DLGAP1: variants seen among roughly 807,000 people sequenced by gnomAD.
DLGAP1 encodes the protein disks large-associated protein 1.
In DLGAP1, 11 loss-of-function variants were observed where a neutral mutation model predicts 90.8. That is an observed-to-expected ratio of 0.12 (90% CI 0.08 to 0.20). DLGAP1 has a LOEUF of 0.20. Ranked by LOEUF, DLGAP1 falls within the 10% of genes least tolerant of loss-of-function variation. The pLI is 1.00. For synonymous variants in DLGAP1, 558 were observed against 540.7 expected (o/e 1.03, Z -0.44); for missense variants, 1,050 against 1,333.8 (o/e 0.79, Z 3.31).
intron 3 of DLGAP1, among the ~76,000 whole-genome samples, chr18:3,991,172 T>C (rs2073959643): frequency 6.6e-6 from 1 of 151,934 alleles, no homozygotes; most frequent in Non-Finnish European, 1.5e-5. Flanking sequence ...TAAATATTAA[T>C]ATAAAAAAAC....
chr18:3,604,459 CACACACACACACAT>C (rs915141491), intron 7 of DLGAP1: 1 of 5,842 alleles, frequency 1.7e-4, no homozygotes, highest in Non-Finnish European at 3.1e-4. Flanking sequence ...CGCACACGCA[CACACACACACACAT>C]ACACACAAAA....
At position 3,720,888 on chromosome 18, in the gene DLGAP1, C is replaced by CCAAAAAAAAAAAAAAAAAAAAAAAAAA. The variant is rs1441095000; in HGVS notation, c.1591+8246_1591+8247insTTTTTTTTTTTTTTTTTTTTTTTTTTG. Among the ~76,000 whole-genome samples the CCAAAAAAAAAAAAAAAAAAAAAAAAAA allele has an allele frequency of 1.9e-3, 98 of 50,304 alleles. 17 individuals carry two copies. The highest frequency in any genetic ancestry group is 7.3e-3 in the African/African-American group (91 of 12,484). The allele number at this position is 50,304 out of a possible 152,430, so 33.0% of individuals were successfully genotyped here. A position where few individuals can be genotyped will look rare whatever the true frequency, so the allele number is the denominator to read the frequency against. On this transcript the variant is annotated intron_variant, in intron 7 of 12. Coordinates refer to ENST00000315677, the MANE Select transcript of DLGAP1 (RefSeq NM_004746.4). Reference sequence around the variant, plus strand: ...GCAACATACTAAGACCTTGTCTCTACAAAAAAAAAAAAAAAAAAAAATTAG... The same window carrying CCAAAAAAAAAAAAAAAAAAAAAAAAAA: ...GCAACATACTAAGACCTTGTCTCTACCAAAAAAAAAAAAAAAAAAAAAAAAAAAAAAAAAAAAAAAAAAAAAAATTAG...
chr18:4,236,010 G>T (rs181217714), intron 1 of DLGAP1, among the ~76,000 whole-genome samples: 1 of 152,092 alleles, frequency 6.6e-6, no homozygotes, highest in Non-Finnish European at 1.5e-5. Flanking sequence ...ACAGGCATGA[G>T]CCACCATGCC....
rs1198265843 is a variant in DLGAP1 at position 3,496,439 on chromosome 18, A to G, written c.*2746T>C. 6.6e-6 allele frequency: 1 copy of G among 152,248 alleles called. No individual in the cohort carries two copies. The highest frequency in any genetic ancestry group is 1.9e-4 in the East Asian group (1 of 5,208). The allele number at this position is 152,248 out of a possible 1,614,324, so 9.4% of individuals were successfully genotyped here. A position where few individuals can be genotyped will look rare whatever the true frequency, so the allele number is the denominator to read the frequency against. ...ATTAGTTCTATTTACCATTTCAAAT[A>G]TTAAAAATCTTTAATCCATTTCTTC... On this transcript the variant is annotated 3_prime_UTR_variant, in exon 13 of 13. Transcript: ENST00000315677.
chr18:4,316,866 A>G (rs610269), intron 1 of DLGAP1, among the ~76,000 whole-genome samples: 67,607 of 151,968 alleles, frequency 0.44, 17,598 homozygotes, highest in Non-Finnish European at 0.58. Flanking sequence ...ATCCCTGCTG[A>G]GCTCTCCAGC....
rs938890470 is a variant in DLGAP1, at chr18:3,527,263, C to G, written c.2479+6931G>C. Among the ~76,000 whole-genome samples the G allele has an allele frequency of 6.6e-5, 10 of 152,128 alleles. 2 individuals are homozygous for G. The South Asian group carries it at 8.3e-4, about 13-fold the overall frequency. On this transcript the variant is annotated intron_variant, in intron 10 of 12. Coordinates refer to ENST00000315677, the MANE Select transcript of DLGAP1 (RefSeq NM_004746.4). ...GCTGTCACAATTAGCATAATGACAT[C>G]ACAAAATAATTAATAACTAAATAAC...
chr18:4,454,756 G>C lies in DLGAP1; in HGVS notation c.-267+250C>G, dbSNP rs913066366. Among the ~76,000 whole-genome samples the C allele has an allele frequency of 6.6e-6, 1 of 151,948 alleles. No individual in the cohort carries two copies. The highest frequency in any genetic ancestry group is 1.5e-5 in the Non-Finnish European group (1 of 67,960). ...GTCCCCGTGGGGAGCCGCGAGGACC[G>C]CATGGCCGGAGAGGACGCGCTCGCC... On this transcript the variant is annotated intron_variant, in intron 1 of 12. Transcript: ENST00000315677. This position sits in a 1 kb window ranked among gnomAD's most constrained non-coding sequence, Gnocchi z 4.7.
intron 4 of DLGAP1, among the ~76,000 whole-genome samples, chr18:3,850,121 C>CT (rs2069251468): frequency 6.6e-6 from 1 of 151,452 alleles, no homozygotes; most frequent in South Asian, 2.1e-4. Context: ...AATCCCAGCA[C>CT]TTTGGGAGGC....
intron 1 of DLGAP1, among the ~76,000 whole-genome samples, chr18:4,237,559 A>C (rs1478654381): frequency 6.6e-6 from 1 of 152,116 alleles, no homozygotes; most frequent in African/African-American, 2.4e-5. Context: ...CTTTTCTGAG[A>C]CTGACTCTGC....
intron 10 of DLGAP1, among the ~76,000 whole-genome samples, chr18:3,523,670 A>G (rs1011329229): frequency 5.5e-4 from 83 of 152,092 alleles, no homozygotes; most frequent in African/African-American, 1.5e-3. Context: ...ACACGGTGAA[A>G]CCCCGTCTCT....
At chr18:4,031,200 AT>A (rs200821379) in intron 2 of DLGAP1, among the ~76,000 whole-genome samples, 1 of 151,496 alleles carries the variant, frequency 6.6e-6, no homozygotes, top group Non-Finnish European at 1.5e-5. Context: ...TGTATAAGTT[AT>A]TTTTTTTCTG....
At chr18:3,888,596 T>G (rs1179187623) in intron 3 of DLGAP1, among the ~76,000 whole-genome samples, 1 of 151,800 alleles carries the variant, frequency 6.6e-6, no homozygotes, top group Admixed American at 6.6e-5. Context: ...TCTTCTCCAA[T>G]TTGGTCACAG....
chr18:3,831,052 G>A (rs571451804), intron 4 of DLGAP1, among the ~76,000 whole-genome samples: 14 of 152,344 alleles, frequency 9.2e-5, no homozygotes, highest in African/African-American at 3.4e-4. Flanking sequence ...CAGGGATCAT[G>A]GAGGAACACA....
chr18:4,331,113 C>T (rs2143727012), intron 1 of DLGAP1, among the ~76,000 whole-genome samples: 1 of 151,922 alleles, frequency 6.6e-6, no homozygotes, highest in Non-Finnish European at 1.5e-5. Context: ...CAGTAATATT[C>T]CTTGTCTAAG....
At position 3,565,813 on chromosome 18, in the gene DLGAP1, C is replaced by T. The variant is rs535360847; in HGVS notation, c.2057+1677G>A. ...TTGCACCACTGCACCCCAGCCTGGG[C>T]GACAGAGTGAGACTCTGTCTCAAAA... On this transcript the variant is annotated intron_variant, in intron 9 of 12. Coordinates refer to ENST00000315677, the MANE Select transcript of DLGAP1 (RefSeq NM_004746.4). This position sits in a 1 kb window ranked among gnomAD's most constrained non-coding sequence, Gnocchi z 4.0. Among the ~76,000 whole-genome samples the T allele has an allele frequency of 5.3e-5, 8 of 151,846 alleles. No homozygotes were observed. The highest frequency in any genetic ancestry group is 4.2e-4 in the South Asian group (2 of 4,814).
chr18:4,321,680 T>C (rs1409666006), intron 1 of DLGAP1, among the ~76,000 whole-genome samples: 1 of 152,220 alleles, frequency 6.6e-6, no homozygotes, highest in Admixed American at 6.5e-5. Context: ...TTCGGTTAAA[T>C]AATACAAAAT....
At chr18:3,580,037 C>T (rs1047643051) in intron 8 of DLGAP1, 8 of 647,066 alleles carry the variant, frequency 1.2e-5, no homozygotes, top group South Asian at 5.9e-5. Flanking sequence ...TAGAAATGTG[C>T]GTTAGGAATT....
In DLGAP1 at chr18:3,772,371, T is replaced by G. The variant is rs867920882; in HGVS notation, c.1173-29859A>C. On this transcript the variant is annotated intron_variant, in intron 5 of 12. Coordinates refer to ENST00000315677, the MANE Select transcript of DLGAP1 (RefSeq NM_004746.4). ...CTCTTTCTTTCTTTCTTTCTTTCTT[T>G]CTTTCTTTCTTTCTTTCTTTCTTTC... Among the ~76,000 whole-genome samples, 74 of 16,726 alleles carry G rather than the reference T, an allele frequency of 4.4e-3. 2 individuals carry two copies. Among genetic ancestry groups the G allele is most frequent in the African/African-American group, 7.6e-3 (72 of 9,476 alleles). The allele number at this position is 16,726 out of a possible 152,430, so 11.0% of individuals were successfully genotyped here. A position where few individuals can be genotyped will look rare whatever the true frequency, so the allele number is the denominator to read the frequency against.
intron 2 of DLGAP1, among the ~76,000 whole-genome samples, chr18:4,115,205 A>G (rs2076040916): frequency 6.6e-6 from 1 of 152,188 alleles, no homozygotes; most frequent in Non-Finnish European, 1.5e-5. Context: ...TCATTCCAAC[A>G]AAATAAAGAA....
Sources: gnomAD v4.1 joint callset for allele counts (sites outside exome capture counted in the v4.1 genomes callset) on GRCh38, gnomAD v4.1.1 for gene constraint, Gnocchi (gnomAD v3.1) non-coding constraint, MANE v1.5 for transcripts, NCBI Gene and HGNC (gene_info 2026-07-23, HGNC 2026-07-21) for gene names.